Variants in APC2 observed in about 807,000 individuals in gnomAD.
APC2 encodes the protein APC regulator of Wnt signaling pathway 2.
In APC2, 41 loss-of-function variants were observed where a neutral mutation model predicts 72.5. That is an observed-to-expected ratio of 0.57 (90% CI 0.44 to 0.73). The LOEUF is 0.73. Ranked by LOEUF, APC2 falls within the 30% of genes least tolerant of loss-of-function variation. The pLI is 0.00. For synonymous variants in APC2, 1,898 were observed against 1,612.0 expected (o/e 1.18, Z -4.25); for missense variants, 3,729 against 3,403.4 (o/e 1.10, Z -2.38).
At chr19:1,455,926 G>GGAGAA (rs2083816038) in intron 6 of APC2, 150 bp from the exon 7 acceptor site, 11 of 156,034 alleles carry the variant, frequency 7.0e-5, no homozygotes, top group Non-Finnish European at 9.9e-5. Flanking sequence ...GCTGGATCAG[G>GGAGAA]GAGAAGGCAG....
At chr19:1,460,714 G>C in intron 11 of APC2, 66 bp from the exon 12 acceptor site, 2 of 1,503,272 alleles carry the variant, frequency 1.3e-6, no homozygotes, top group South Asian at 2.4e-5. Context: ...GACGGGGCTG[G>C]GAGGTGAGGG....
rs1024265425 is a variant in APC2 at position 1,470,810 on chromosome 19, C to G, written c.*597C>G. On this transcript the variant is annotated 3_prime_UTR_variant, in exon 15 of 15. Coordinates refer to ENST00000590469, the MANE Select transcript of APC2 (RefSeq NM_005883.3). Reference sequence around the variant, plus strand: ...GTGCGGGTGGGGGTGTGGCCGAGCCCCGGCAGGAAGCCCCGCCCAGACGGT... The same window carrying G: ...GTGCGGGTGGGGGTGTGGCCGAGCCGCGGCAGGAAGCCCCGCCCAGACGGT... 1 of 152,292 alleles carries G rather than the reference C, an allele frequency of 6.6e-6. No individual in the cohort carries two copies. The highest frequency in any genetic ancestry group is 2.4e-5 in the African/African-American group (1 of 41,444). 9.4% of individuals were successfully genotyped at this position (152,292 alleles called of 1,614,324 possible). A position where few individuals can be genotyped will look rare whatever the true frequency, so the allele number is the denominator to read the frequency against.
chr19:1,458,279 T>A, intron 10 of APC2: 1 of 581,906 alleles, frequency 1.7e-6, no homozygotes, highest in Non-Finnish European at 3.1e-6. Context: ...CCCGATCTGG[T>A]CTGAGGCTTC....
At chr19:1,454,873 T>C (rs531013120) in intron 4 of APC2, among the ~76,000 whole-genome samples, 1 of 152,114 alleles carries the variant, frequency 6.6e-6, no homozygotes, top group East Asian at 1.9e-4. Context: ...GGCCGGCTAT[T>C]TTTATATTTT....
Position 1,460,775 on chromosome 19 carries a change from A to G in APC2, c.1444-5A>G. On this transcript the variant is annotated splice_region_variant and splice_polypyrimidine_tract_variant and intron_variant, in intron 11 of 14. Coordinates refer to ENST00000590469, the MANE Select transcript of APC2 (RefSeq NM_005883.3). ...CCGTGACCCCGGCTGCATAACCCCC[A>G]ACAGGCCACCCTGTGTGCGCGCCGC... 1 of 1,612,656 alleles carries G rather than the reference A, an allele frequency of 6.2e-7. No individual in the cohort carries two copies. Among genetic ancestry groups the G allele is most frequent in the Non-Finnish European group, 8.5e-7 (1 of 1,179,656 alleles).
chr19:1,471,410 G>A lies in APC2; in HGVS notation c.*1197G>A, dbSNP rs1234405198. 6.6e-6 allele frequency: 1 copy of A among 152,348 alleles called. No individual in the cohort carries two copies. Among genetic ancestry groups the A allele is most frequent in the Non-Finnish European group, 1.5e-5 (1 of 68,120 alleles). The allele number at this position is 152,348 out of a possible 1,614,324, so 9.4% of individuals were successfully genotyped here. ...GGGGCCTTCCGGCAGGTGAACGCAGGGCTGGAGAGTATTTGGTGCCAGATG... is the reference window on the plus strand; with the variant it reads ...GGGGCCTTCCGGCAGGTGAACGCAGAGCTGGAGAGTATTTGGTGCCAGATG... On this transcript the variant is annotated 3_prime_UTR_variant, in exon 15 of 15. Transcript: ENST00000590469.
Position 1,457,313 on chromosome 19 carries a change from G to T in APC2, c.1207+70G>T, listed in dbSNP as rs1268331529. 17 of 1,456,078 alleles carry T rather than the reference G, an allele frequency of 1.2e-5. No homozygotes were observed. The South Asian group carries it at 2.0e-4, about 17-fold the overall frequency. The allele number at this position is 1,456,078 out of a possible 1,614,324, so 90.2% of individuals were successfully genotyped here. ...AGCTAGGGCTTCCCGGGGGATGGGCGACTAGGACCTCCAGCCTTTGCTGCC... is the reference window on the plus strand; with the variant it reads ...AGCTAGGGCTTCCCGGGGGATGGGCTACTAGGACCTCCAGCCTTTGCTGCC... On this transcript the variant is annotated intron_variant, in intron 9 of 14. Transcript: ENST00000590469.
At position 1,468,195 on chromosome 19, in the gene APC2, T is replaced by C; in HGVS notation, c.4894T>C (p.Cys1632Arg). The C allele has an allele frequency of 6.8e-7, 1 of 1,463,674 alleles. No individual in the cohort carries two copies. Among genetic ancestry groups the C allele is most frequent in the Non-Finnish European group, 9.0e-7 (1 of 1,117,044 alleles). 90.7% of individuals were successfully genotyped at this position (1,463,674 alleles called of 1,614,324 possible). A position where few individuals can be genotyped will look rare whatever the true frequency, so the allele number is the denominator to read the frequency against. Residue 1632 changes from cysteine to arginine, a missense_variant, in exon 15 of 15, where the codon TGC (cysteine) becomes CGC (arginine). By Grantham distance (180) the Cys-to-Arg change is radical. Coordinates refer to ENST00000590469, the MANE Select transcript of APC2 (RefSeq NM_005883.3). ...GGCCGCGGAGGAGCTTCTGCAGCGG[T>C]GCATCAGCTCGGCCCTGCCCAGGCG... ...PRAAEELLQR[C>R]ISSALPRRRP...
At position 1,467,695 on chromosome 19, in the gene APC2, T is replaced by C. The variant is rs2084044447; in HGVS notation, c.4394T>C (p.Leu1465Pro). The change falls in exon 15 of 15, where the codon CTG (leucine) becomes CCG (proline). Residue 1465 changes from leucine to proline, a missense_variant. Leu to Pro is a moderately conservative substitution (Grantham distance 98). Transcript: ENST00000590469. ...SRGAGKNRAG[L>P]ELPLGRPPSA... ...GGCGCGGGCAAGAACAGAGCAGGGC[T>C]GGAGCTGCCCCTGGGCCGGCCCCCG... 6.8e-7 allele frequency: 1 copy of C among 1,462,598 alleles called. No individual in the cohort carries two copies. Among genetic ancestry groups the C allele is most frequent in the Non-Finnish European group, 9.0e-7 (1 of 1,115,856 alleles). The allele number at this position is 1,462,598 out of a possible 1,614,324, so 90.6% of individuals were successfully genotyped here.
Position 1,468,337 on chromosome 19 carries a change from C to T in APC2, c.5036C>T (p.Ser1679Phe). Residue 1679 changes from serine to phenylalanine, a missense_variant, in exon 15 of 15, where the codon TCC becomes TTC. By Grantham distance (155) the Ser-to-Phe change is radical. Coordinates refer to ENST00000590469, the MANE Select transcript of APC2 (RefSeq NM_005883.3). ...GEEAAGSDRA[S>F]DLDSVEWRAI... ...GAGGCAGCGGGCTCGGACCGGGCCTCCGACCTGGATAGCGTGGAGTGGCGC... is the reference window on the plus strand; with the variant it reads ...GAGGCAGCGGGCTCGGACCGGGCCTTCGACCTGGATAGCGTGGAGTGGCGC... The T allele has an allele frequency of 6.4e-7, 1 of 1,562,202 alleles. No individual in the cohort carries two copies. Among genetic ancestry groups the T allele is most frequent in the Non-Finnish European group, 8.7e-7 (1 of 1,154,508 alleles).
At chr19:1,446,275 C>T (rs1292779183), upstream of APC2, 24 of 984,460 alleles carry the variant, frequency 2.4e-5, no homozygotes, top group Non-Finnish European at 2.9e-5. The surrounding 1 kb of genome is among the most constrained non-coding windows in gnomAD (Gnocchi z 6.1). Flanking sequence ...GGGTCCGGGG[C>T]GGCCGCGGCT....
intron 4 of APC2, 85 bp downstream of exon 4, chr19:1,453,696 C>T: frequency 5.4e-6 from 8 of 1,489,574 alleles, no homozygotes; most frequent in South Asian, 1.3e-5. Context: ...CGCCCACCCG[C>T]ATATGTCTCT....
Position 1,465,498 on chromosome 19 carries a change from C to G in APC2, c.2197C>G (p.Arg733Gly), listed in dbSNP as rs745335568. 5.2e-6 allele frequency: 8 copies of G among 1,524,480 alleles called. No homozygotes were observed. Among genetic ancestry groups the G allele is most frequent in the Non-Finnish European group, 7.0e-6 (8 of 1,139,404 alleles). 94.4% of individuals were successfully genotyped at this position (1,524,480 alleles called of 1,614,324 possible). ...QRALEAELDA[R>G]HLAQALEHLE... ...GGCGCTGGAGGCCGAGCTGGACGCA[C>G]GGCACCTCGCGCAGGCGCTGGAGCA... is the stretch of plus-strand genomic sequence containing the variant. The change falls in exon 15 of 15, where the codon CGG becomes GGG. Residue 733 changes from arginine (R) to glycine (G), a missense_variant. Coordinates refer to ENST00000590469, the MANE Select transcript of APC2 (RefSeq NM_005883.3).
chr19:1,456,438 C>A, intron 8 of APC2, 34 bp downstream of exon 8: 1 of 1,540,548 alleles, frequency 6.5e-7, no homozygotes, highest in Non-Finnish European at 8.8e-7. Context: ...GCTGGCGCAG[C>A]TGTCTGGGCT....
At position 1,469,491 on chromosome 19, in the gene APC2, G is replaced by C; in HGVS notation, c.6190G>C (p.Ala2064Pro). ...PAPARQRPPAARPSPGERPAR... is the reference protein window; with the variant it reads ...PAPARQRPPAPRPSPGERPAR... The stretch of plus-strand genomic sequence containing the variant: ...CCCGGCCCGGCAGCGGCCCCCCGCG[G>C]CCCGACCCAGCCCTGGCGAGCGCCC... Residue 2064 changes from alanine to proline, a missense_variant, in exon 15 of 15, where the codon GCC becomes CCC. Physicochemically the swap from Ala to Pro is conservative, Grantham distance 27. Transcript: ENST00000590469. 1 of 1,103,666 alleles carries C rather than the reference G, an allele frequency of 9.1e-7. No individual in the cohort carries two copies. Among genetic ancestry groups the C allele is most frequent in the South Asian group, 3.4e-5 (1 of 29,544 alleles). The allele number at this position is 1,103,666 out of a possible 1,614,324, so 68.4% of individuals were successfully genotyped here.
chr19:1,450,338 GGT>G lies in APC2; in HGVS notation c.-19+7_-19+8del, dbSNP rs887096299. The stretch of plus-strand genomic sequence containing the variant: ...CCGCCAGCCCAGCTGCACGTAAGCG[GGT>G]GTGTGTCCTCGGGGAGGAGGGCAGG... On this transcript the variant is annotated splice_donor_variant, in intron 1 of 14. Coordinates refer to ENST00000590469, the MANE Select transcript of APC2 (RefSeq NM_005883.3). LOFTEE classifies it low-confidence loss of function (5UTR_SPLICE). The G allele has an allele frequency of 5.1e-6, 5 of 985,406 alleles. No homozygotes were observed. Among genetic ancestry groups the G allele is most frequent in the Non-Finnish European group, 6.0e-6 (5 of 829,976 alleles). The allele number at this position is 985,406 out of a possible 1,614,324, so 61.0% of individuals were successfully genotyped here. A position where few individuals can be genotyped will look rare whatever the true frequency, so the allele number is the denominator to read the frequency against.
chr19:1,468,670 G>C lies in APC2; in HGVS notation c.5369G>C (p.Gly1790Ala), dbSNP rs1599163408. The change falls in exon 15 of 15, where the codon GGA becomes GCA. Residue 1790 changes from glycine (G) to alanine (A), a missense_variant. Physicochemically the swap from Gly to Ala is moderately conservative, Grantham distance 60. Transcript: ENST00000590469. ...CCCGGGGTGCCAGCTGTGCTCCGGGGACGAACAGTGATCTACGTCCCCAGC... is the reference window on the plus strand; with the variant it reads ...CCCGGGGTGCCAGCTGTGCTCCGGGCACGAACAGTGATCTACGTCCCCAGC... ...TTPGVPAVLR[G>A]RTVIYVPSPA... The C allele has an allele frequency of 6.3e-7, 1 of 1,576,246 alleles. No homozygotes were observed. Among genetic ancestry groups the C allele is most frequent in the Non-Finnish European group, 8.6e-7 (1 of 1,158,238 alleles).
In APC2 at chr19:1,450,291, G is replaced by A; in HGVS notation, c.-66G>A. 1.0e-6 allele frequency: 1 copy of A among 985,490 alleles called. No individual in the cohort carries two copies. Among genetic ancestry groups the A allele is most frequent in the Non-Finnish European group, 1.2e-6 (1 of 829,950 alleles). The allele number at this position is 985,490 out of a possible 1,614,324, so 61.0% of individuals were successfully genotyped here. Reference sequence around the variant, plus strand: ...GGGCCCGCGGAGCCGCGCAGAGGGAGGAGGCCCCAGACCCAGGCGCCCCGC... The same window carrying A: ...GGGCCCGCGGAGCCGCGCAGAGGGAAGAGGCCCCAGACCCAGGCGCCCCGC... On this transcript the variant is annotated 5_prime_UTR_variant, in exon 1 of 15. Coordinates refer to ENST00000590469, the MANE Select transcript of APC2 (RefSeq NM_005883.3).
Position 1,453,357 on chromosome 19 carries a change from G to A in APC2, c.232+20G>A, listed in dbSNP as rs762406300. On this transcript the variant is annotated intron_variant, in intron 3 of 14. Coordinates refer to ENST00000590469, the MANE Select transcript of APC2 (RefSeq NM_005883.3). ...TGAAGGGTGAGCGGTGGGGCCACCC[G>A]CAGAGGGAGTGGGGGAGGCTGGGGG... is the stretch of plus-strand genomic sequence containing the variant. 28 of 1,611,252 alleles carry A rather than the reference G, an allele frequency of 1.7e-5. No homozygotes were observed. The highest frequency in any genetic ancestry group is 4.5e-5 in the East Asian group (2 of 44,806).
Sources: allele counts gnomAD v4.1 joint callset (sites outside exome capture counted in the v4.1 genomes callset), GRCh38; gene constraint gnomAD v4.1.1; non-coding constraint Gnocchi (gnomAD v3.1); transcripts MANE v1.5; gene names NCBI Gene and HGNC (gene_info 2026-07-23, HGNC 2026-07-21).